The following LRRTM3 variants were observed in gnomAD, a reference collection of about 807,000 sequenced individuals.
LRRTM3 encodes leucine rich repeat transmembrane neuronal 3.
In LRRTM3, 24 loss-of-function variants were observed where a neutral mutation model predicts 44.7. That is an observed-to-expected ratio of 0.54 (90% CI 0.39 to 0.76). The LOEUF is 0.76. Among genes scored for constraint, LRRTM3 ranks in the 30% least tolerant of loss-of-function variants. The pLI is 0.00. For missense variants in LRRTM3, 587 were observed against 702.2 expected (o/e 0.84, Z 1.85); for synonymous variants, 277 against 278.7 (o/e 0.99, Z 0.06).
chr10:67,019,200 T>C (rs1852837613), intron 2 of LRRTM3, among the ~76,000 whole-genome samples: 1 of 152,196 alleles, frequency 6.6e-6, no homozygotes, highest in African/African-American at 2.4e-5. Flanking sequence ...CTTGCCACTT[T>C]TCTTTTTTTA....
intron 2 of LRRTM3, among the ~76,000 whole-genome samples, chr10:67,015,100 A>T (rs896316480): frequency 2.0e-4 from 30 of 152,256 alleles, no homozygotes; most frequent in Non-Finnish European, 1.5e-5. Context: ...CTATTTCAAC[A>T]TTAGGTAGTA....
intron 2 of LRRTM3, among the ~76,000 whole-genome samples, chr10:67,078,965 T>C (rs1309003026): frequency 5.9e-5 from 9 of 152,238 alleles, no homozygotes; most frequent in Non-Finnish European, 4.4e-5. Context: ...CTTAGAACAC[T>C]GGCATAATTT....
At chr10:66,960,854 G>C (rs531058496) in intron 2 of LRRTM3, among the ~76,000 whole-genome samples, 1 of 152,266 alleles carries the variant, frequency 6.6e-6, no homozygotes, top group South Asian at 2.1e-4. Context: ...TGTTGATAAA[G>C]CATAGGAGAA....
At chr10:66,950,435 G>C (rs1326509682) in intron 2 of LRRTM3, among the ~76,000 whole-genome samples, 1 of 151,960 alleles carries the variant, frequency 6.6e-6, no homozygotes, top group Non-Finnish European at 1.5e-5. Flanking sequence ...TCTGTTTAAA[G>C]AATCATATGT....
intron 2 of LRRTM3, among the ~76,000 whole-genome samples, chr10:67,015,708 T>C (rs10997483): frequency 0.31 from 47,309 of 151,986 alleles, 8,603 homozygotes; most frequent in East Asian, 0.53. Context: ...TGTAACAATT[T>C]TCTTCTTTTT....
At chr10:67,090,519 G>C (rs1857569019) in intron 2 of LRRTM3, among the ~76,000 whole-genome samples, 1 of 152,092 alleles carries the variant, frequency 6.6e-6, no homozygotes, top group Non-Finnish European at 1.5e-5. Context: ...GCAACAAAAT[G>C]TAGTGGTTAA....
Position 66,927,616 on chromosome 10 carries a change from C to T in LRRTM3, c.700C>T (p.Leu234Phe), listed in dbSNP as rs764490237. The change falls in exon 2 of 3, where the codon CTT (leucine) becomes TTT (phenylalanine). Residue 234 changes from leucine (L) to phenylalanine (F), a missense_variant. Around this residue, in one of 3 missense-constraint regions of LRRTM3, gnomAD observed 222 missense variants for 323.3 expected, o/e 0.69. Transcript: ENST00000361320. This position sits in a 1 kb window ranked among gnomAD's most constrained non-coding sequence, Gnocchi z 4.7. Reference sequence around the variant, plus strand: ...TCCAAGGTTGGTCAGCCTTCAGAACCTTTACTTGCAGTGGAATAAAATCAG... The same window carrying T: ...TCCAAGGTTGGTCAGCCTTCAGAACTTTTACTTGCAGTGGAATAAAATCAG... ...LFPRLVSLQN[L>F]YLQWNKISVI... 3 of 1,614,154 alleles carry T rather than the reference C, an allele frequency of 1.9e-6. No individual in the cohort carries two copies. Among genetic ancestry groups the T allele is most frequent in the Non-Finnish European group, 2.5e-6 (3 of 1,180,026 alleles).
At chr10:66,970,669 CATA>C (rs1849670385) in intron 2 of LRRTM3, among the ~76,000 whole-genome samples, 1 of 152,254 alleles carries the variant, frequency 6.6e-6, no homozygotes, top group Non-Finnish European at 1.5e-5. Context: ...TCTGCATCTA[CATA>C]ATGACACTAT....
At chr10:67,047,574 C>CCT (rs1854832672) in intron 2 of LRRTM3, among the ~76,000 whole-genome samples, 1 of 152,094 alleles carries the variant, frequency 6.6e-6, no homozygotes, top group Non-Finnish European at 1.5e-5. Flanking sequence ...AGTTCTTCTA[C>CCT]CTTTACCTTC....
In LRRTM3 at chr10:67,001,005, C is replaced by T. The variant is rs538115495; in HGVS notation, c.1536+72553C>T. 1.0e-3 allele frequency among the ~76,000 whole-genome samples: 158 copies of T among 151,884 alleles called. 2 individuals carry two copies. Among genetic ancestry groups the T allele is most frequent in the African/African-American group, 1.3e-3 (54 of 41,476 alleles). On this transcript the variant is annotated intron_variant, in intron 2 of 2. Transcript: ENST00000361320. ...TAGGAAGGAATAGTCCAAGAAAGGA[C>T]GATAAAAATTAAATAGGCCAGGTGC...
chr10:67,062,429 C>G (rs537456300), intron 2 of LRRTM3, among the ~76,000 whole-genome samples: 1 of 152,254 alleles, frequency 6.6e-6, no homozygotes, highest in East Asian at 1.9e-4. Context: ...TTAGCATTAT[C>G]TCTTAAGTAT....
chr10:67,094,151 C>T (rs1327646426), intron 2 of LRRTM3, among the ~76,000 whole-genome samples: 1 of 151,946 alleles, frequency 6.6e-6, no homozygotes, highest in Non-Finnish European at 1.5e-5. Flanking sequence ...GGAAGACTTG[C>T]TCTGACAAAG....
chr10:67,004,510 C>G (rs574007264), intron 2 of LRRTM3, among the ~76,000 whole-genome samples: 1 of 152,028 alleles, frequency 6.6e-6, no homozygotes, highest in Non-Finnish European at 1.5e-5. Flanking sequence ...TCAAAAAATG[C>G]TGATCACAGA....
At chr10:67,072,632 TATCTATA>T (rs1856528657) in intron 2 of LRRTM3, among the ~76,000 whole-genome samples, 1 of 152,172 alleles carries the variant, frequency 6.6e-6, no homozygotes, top group Admixed American at 6.5e-5. Context: ...TCCCCTTGTT[TATCTATA>T]CTTGTAAGCC....
chr10:67,020,691 T>A (rs976292403), intron 2 of LRRTM3, among the ~76,000 whole-genome samples: 1 of 152,116 alleles, frequency 6.6e-6, no homozygotes, highest in Non-Finnish European at 1.5e-5. Flanking sequence ...CAAAAGTTAT[T>A]TAAGGGGAGA....
intron 2 of LRRTM3, among the ~76,000 whole-genome samples, chr10:67,036,801 A>G (rs929172107): frequency 6.6e-6 from 1 of 152,186 alleles, no homozygotes; most frequent in Non-Finnish European, 1.5e-5. Flanking sequence ...TTCTTCCCTC[A>G]AAACACATAT....
intron 2 of LRRTM3, among the ~76,000 whole-genome samples, chr10:67,069,837 T>G (rs1285709758): frequency 6.6e-6 from 1 of 152,176 alleles, no homozygotes; most frequent in Admixed American, 6.5e-5. Flanking sequence ...TGATGAGCAT[T>G]TCTGTTTTGG....
intron 2 of LRRTM3, among the ~76,000 whole-genome samples, chr10:67,061,973 T>A (rs1350145331): frequency 6.6e-6 from 1 of 152,030 alleles, no homozygotes; most frequent in Non-Finnish European, 1.5e-5. Flanking sequence ...TCTTAGGAAA[T>A]AGCCACCCAC....
intron 2 of LRRTM3, among the ~76,000 whole-genome samples, chr10:66,991,818 A>G (rs1851057079): frequency 6.6e-6 from 1 of 152,232 alleles, no homozygotes; most frequent in African/African-American, 2.4e-5. Context: ...TCTCTTCTGT[A>G]TATATGCCAG....
Sources: gnomAD v4.1 joint callset for allele counts (sites outside exome capture counted in the v4.1 genomes callset) on GRCh38, gnomAD v4.1.1 for gene constraint, gnomAD v4.1.1 regional missense constraint, Gnocchi (gnomAD v3.1) non-coding constraint, MANE v1.5 for transcripts, NCBI Gene and HGNC (gene_info 2026-07-23, HGNC 2026-07-21) for gene names.